Variants in MACROD2 observed in about 807,000 individuals in gnomAD.
MACROD2 encodes ADP-ribose glycohydrolase MACROD2.
Under a neutral mutation model 70.4 loss-of-function variants are expected in MACROD2, and 36 were observed. The observed-to-expected ratio is 0.51, with a 90% CI of 0.39 to 0.68. MACROD2 has a LOEUF of 0.68. MACROD2 is among the 30% of genes least tolerant of loss of function. MACROD2 has a pLI of 0.00. For missense variants in MACROD2, 496 were observed against 538.4 expected, an observed-to-expected ratio of 0.92 and a Z score of 0.78; for synonymous variants, 172 against 178.8, an observed-to-expected ratio of 0.96 and a Z score of 0.30.
intron 8 of MACROD2, among the ~76,000 whole-genome samples, chr20:15,678,581 A>C (rs142504941): frequency 3.3e-5 from 5 of 152,124 alleles, no homozygotes; most frequent in South Asian, 4.1e-4. Flanking sequence ...GGATGGTCTC[A>C]ATCTCCTGAC....
intron 8 of MACROD2, among the ~76,000 whole-genome samples, chr20:15,831,468 C>A (rs1285739200): frequency 6.6e-6 from 1 of 152,120 alleles, no homozygotes; most frequent in South Asian, 2.1e-4. Flanking sequence ...CTGGCTTGAC[C>A]CATCCATAAA....
chr20:15,369,057 T>C (rs997311563), intron 6 of MACROD2, among the ~76,000 whole-genome samples: 3 of 152,150 alleles, frequency 2.0e-5, no homozygotes, highest in Non-Finnish European at 4.4e-5. Context: ...TGGTTCCTGA[T>C]AGGAGAGATT....
intron 8 of MACROD2, among the ~76,000 whole-genome samples, chr20:15,635,939 A>G (rs1214415846): frequency 1.3e-5 from 2 of 151,882 alleles, no homozygotes; most frequent in African/African-American, 2.4e-5. Context: ...GTGGTGGTGC[A>G]TGCTTGTAAT....
chr20:15,954,158 C>G (rs762200926), intron 12 of MACROD2, among the ~76,000 whole-genome samples: 5 of 152,088 alleles, frequency 3.3e-5, no homozygotes, highest in Non-Finnish European at 7.4e-5. Context: ...AAGTCTATCA[C>G]CATTACCAGA....
chr20:15,931,920 T>C (rs1695677663), intron 10 of MACROD2, among the ~76,000 whole-genome samples: 1 of 152,148 alleles, frequency 6.6e-6, no homozygotes, highest in African/African-American at 2.4e-5. Context: ...TTGTTTCAGC[T>C]CTGCTACTAG....
chr20:14,022,464 C>CT (rs2053099090), intron 2 of MACROD2, among the ~76,000 whole-genome samples: 1 of 137,156 alleles, frequency 7.3e-6, no homozygotes, highest in Non-Finnish European at 1.6e-5. Context: ...TTTAATTATA[C>CT]TTTAAGTTCT....
At chr20:14,690,856 T>C (rs1410463237) in intron 5 of MACROD2, among the ~76,000 whole-genome samples, 4 of 152,216 alleles carry the variant, frequency 2.6e-5, no homozygotes, top group Non-Finnish European at 5.9e-5. Flanking sequence ...GTGTTCACTA[T>C]CCAGCCTCTG....
intron 3 of MACROD2, among the ~76,000 whole-genome samples, chr20:14,222,814 A>T (rs59009449): frequency 1.7e-4 from 5 of 29,820 alleles, no homozygotes; most frequent in South Asian, 1.0e-3. Context: ...TGGATTTCTG[A>T]AAAAAAAAAA....
intron 5 of MACROD2, among the ~76,000 whole-genome samples, chr20:14,786,590 G>A (rs928099139): frequency 1.3e-5 from 2 of 151,970 alleles, no homozygotes; most frequent in Non-Finnish European, 2.9e-5. Context: ...AGAGATTTGA[G>A]TTGGCTTTGA....
chr20:15,118,295 C>A (rs1009496792), intron 5 of MACROD2, among the ~76,000 whole-genome samples: 3 of 150,378 alleles, frequency 2.0e-5, no homozygotes, highest in East Asian at 3.9e-4. Context: ...CAGGTTGAAG[C>A]GACTCTCCTT....
At chr20:14,186,908 A>G (rs1191046661) in intron 3 of MACROD2, among the ~76,000 whole-genome samples, 2 of 152,170 alleles carry the variant, frequency 1.3e-5, no homozygotes, top group Non-Finnish European at 2.9e-5. Context: ...GTACACATGG[A>G]CATAAAGATA....
At chr20:15,621,393 G>T (rs911150363) in intron 8 of MACROD2, among the ~76,000 whole-genome samples, 1 of 152,068 alleles carries the variant, frequency 6.6e-6, no homozygotes, top group Non-Finnish European at 1.5e-5. Flanking sequence ...AGAATCCATC[G>T]ATTCTTCCAG....
chr20:14,403,191 A>AG (rs2083657065), intron 3 of MACROD2, among the ~76,000 whole-genome samples: 1 of 152,156 alleles, frequency 6.6e-6, no homozygotes, highest in Non-Finnish European at 1.5e-5. Flanking sequence ...ATCACTTCTA[A>AG]GGGGTCCATA....
intron 8 of MACROD2, among the ~76,000 whole-genome samples, chr20:15,708,287 T>C (rs1180792306): frequency 1.3e-5 from 2 of 152,058 alleles, no homozygotes; most frequent in Non-Finnish European, 2.9e-5. Context: ...AAGCAAATTA[T>C]ATAATTTGTA....
intron 15 of MACROD2, among the ~76,000 whole-genome samples, chr20:16,025,269 T>A (rs2067061838): frequency 6.6e-6 from 1 of 152,178 alleles, no homozygotes; most frequent in Non-Finnish European, 1.5e-5. Flanking sequence ...GGTGCTGTTT[T>A]CACACAGAGA....
At chr20:14,864,621 C>T (rs1449814649) in intron 5 of MACROD2, among the ~76,000 whole-genome samples, 2 of 151,994 alleles carry the variant, frequency 1.3e-5, no homozygotes, top group African/African-American at 2.4e-5. Flanking sequence ...GTTGAACCGA[C>T]GGACCTTGTC....
At chr20:14,410,710 G>T in intron 3 of MACROD2, among the ~76,000 whole-genome samples, 1 of 152,154 alleles carries the variant, frequency 6.6e-6, no homozygotes, top group Admixed American at 6.5e-5. Flanking sequence ...TATGCTGTAG[G>T]TTCCTTAGCA....
At chr20:14,505,074 C>G (rs1480600432) in intron 4 of MACROD2, among the ~76,000 whole-genome samples, 1 of 152,186 alleles carries the variant, frequency 6.6e-6, no homozygotes, top group East Asian at 1.9e-4. Context: ...AAAATGATTA[C>G]TCTAAGGATA....
At chr20:15,399,625 T>C (rs1381382084) in intron 6 of MACROD2, among the ~76,000 whole-genome samples, 1 of 152,252 alleles carries the variant, frequency 6.6e-6, no homozygotes, top group African/African-American at 2.4e-5. Context: ...GCCACCCAAA[T>C]GATGGCACTC....
Sources: gnomAD v4.1 joint callset for allele counts (sites outside exome capture counted in the v4.1 genomes callset) on GRCh38, gnomAD v4.1.1 for gene constraint, MANE v1.5 for transcripts, NCBI Gene and HGNC (gene_info 2026-07-23, HGNC 2026-07-21) for gene names.